The following MYBBP1A variants were observed in gnomAD, a reference collection of about 807,000 sequenced individuals.
MYBBP1A encodes MYB binding protein 1a.
A neutral mutation model predicts 136.3 loss-of-function variants in MYBBP1A; 147 were observed. The observed-to-expected ratio is 1.08, with a 90% confidence interval of 0.94 to 1.24. MYBBP1A has a LOEUF of 1.24. Ranked by LOEUF, MYBBP1A falls within the 50% of genes most tolerant of loss-of-function variation. The pLI is 0.00. For missense variants in MYBBP1A, 2,060 were observed against 1,727.4 expected, an observed-to-expected ratio of 1.19 and a Z score of -3.41; for synonymous variants, 947 against 735.8, an observed-to-expected ratio of 1.29 and a Z score of -4.65.
chr17:4,540,351 A>G lies in MYBBP1A; in HGVS notation c.3431T>C (p.Val1144Ala), dbSNP rs757273257. The G allele has an allele frequency of 1.2e-6, 2 of 1,605,202 alleles. No homozygotes were observed. Residue 1144 changes from valine to alanine, a missense_variant, in exon 25 of 26, where the codon GTC (valine) becomes GCC (alanine). Coordinates refer to ENST00000254718, the MANE Select transcript of MYBBP1A (RefSeq NM_014520.4). Reference protein sequence around the residue: ...LYWQAMKTLGVQRPKLEKKDA... With the variant: ...LYWQAMKTLGAQRPKLEKKDA... Reference sequence around the variant, plus strand: ...GTGTCCCCCTCCCAGAACCTACTGGACTCCCAGGGTTTTCATGGCCTGCCA... The same window carrying G: ...GTGTCCCCCTCCCAGAACCTACTGGGCTCCCAGGGTTTTCATGGCCTGCCA...
chr17:4,545,206 C>CT, intron 16 of MYBBP1A, 31 bp from the exon 17 acceptor site: 4 of 1,613,024 alleles, frequency 2.5e-6, no homozygotes, highest in Non-Finnish European at 3.4e-6. Context: ...CGTCACACAC[C>CT]TCCCCGATCG....
chr17:4,539,440 T>C lies in MYBBP1A; in HGVS notation c.3962A>G (p.Gln1321Arg). The C allele has an allele frequency of 6.2e-7, 1 of 1,613,432 alleles. No homozygotes were observed. Among genetic ancestry groups the C allele is most frequent in the Non-Finnish European group, 8.5e-7 (1 of 1,179,592 alleles). ...LLQSGAKKKA[Q>R]VRKAGKP Reference sequence around the variant, plus strand: ...TCAGGGCTTCCCTGCCTTCCTCACCTGTGCTTTCTTCTTGGCCCCACTCTG... The same window carrying C: ...TCAGGGCTTCCCTGCCTTCCTCACCCGTGCTTTCTTCTTGGCCCCACTCTG... Residue 1321 changes from glutamine to arginine, a missense_variant, in exon 26 of 26, where the codon CAG becomes CGG. Transcript: ENST00000254718.
At chr17:4,544,679 G>A (rs1201913868) in intron 18 of MYBBP1A, 33 bp from the exon 19 acceptor site, 1 of 1,467,664 alleles carries the variant, frequency 6.8e-7, no homozygotes, top group East Asian at 2.4e-5. Context: ...GCAACACGGG[G>A]GTGGGCGCAC....
At chr17:4,540,308 A>AGCCCCTACCCAAGGTGTGTGTCCCC in intron 25 of MYBBP1A, 40 bp downstream of exon 25, 1 of 1,565,326 alleles carries the variant, frequency 6.4e-7, no homozygotes, top group South Asian at 1.2e-5. Context: ...GGGTGTTCCC[A>AGCCCCTACCCAAGGTGTGTGTCCCC]GCCCCTACCC....
Position 4,544,590 on chromosome 17 carries a change from C to T in MYBBP1A, c.2538G>A (p.Leu846=), listed in dbSNP as rs1188427167. The change falls in exon 19 of 26, where the codon CTG becomes CTA. Residue 846 remains leucine (L), a synonymous_variant. Transcript: ENST00000254718. ...VTKQPENALV[L]ELLEPLLSII... ...TGCTCAGCAGCGGCTCCAGCAGCTC[C>T]AGGACCAGGGCATTCTCGGGCTGCT... The T allele has an allele frequency of 1.3e-6, 2 of 1,581,518 alleles. No homozygotes were observed. The highest frequency in any genetic ancestry group is 1.7e-6 in the Non-Finnish European group (2 of 1,164,240).
chr17:4,544,091 C>T (rs1906722944), intron 19 of MYBBP1A, among the ~76,000 whole-genome samples: 1 of 152,174 alleles, frequency 6.6e-6, no homozygotes, highest in Admixed American at 6.5e-5. Flanking sequence ...ATGCACACTA[C>T]ACCTCCGAGG....
intron 5 of MYBBP1A, among the ~76,000 whole-genome samples, 168 bp downstream of exon 5, chr17:4,553,642 T>G (rs1363804733): frequency 6.6e-6 from 1 of 152,266 alleles, no homozygotes; most frequent in South Asian, 2.1e-4. Flanking sequence ...TAAATGTTAC[T>G]AAATGACACC....
At chr17:4,547,581 G>A (rs1907115854) in intron 13 of MYBBP1A, 1 of 204,886 alleles carries the variant, frequency 4.9e-6, no homozygotes, top group South Asian at 1.8e-4. Flanking sequence ...AGCCTCGAAT[G>A]TGGTCAGGGC....
At position 4,552,373 on chromosome 17, in the gene MYBBP1A, G is replaced by T; in HGVS notation, c.737+78C>A. The T allele has an allele frequency of 6.2e-7, 1 of 1,603,028 alleles. No homozygotes were observed. The highest frequency in any genetic ancestry group is 8.5e-7 in the Non-Finnish European group (1 of 1,175,164). ...ACAAGAGCAGCCGGGACACCCCCAG[G>T]CCAAACGACAAATCTGGGCCTGGCC... On this transcript the variant is annotated intron_variant, in intron 6 of 25. Coordinates refer to ENST00000254718, the MANE Select transcript of MYBBP1A (RefSeq NM_014520.4). This position sits in a 1 kb window ranked among gnomAD's most constrained non-coding sequence, Gnocchi z 4.7.
Position 4,539,642 on chromosome 17 carries a change from T to G in MYBBP1A, c.3760A>C (p.Lys1254Gln). 2 of 1,612,464 alleles carry G rather than the reference T, an allele frequency of 1.2e-6. No homozygotes were observed. Among genetic ancestry groups the G allele is most frequent in the Non-Finnish European group, 1.7e-6 (2 of 1,178,878 alleles). The change falls in exon 26 of 26, where the codon AAA becomes CAA. Residue 1254 changes from lysine (K) to glutamine (Q), a missense_variant. Coordinates refer to ENST00000254718, the MANE Select transcript of MYBBP1A (RefSeq NM_014520.4). The stretch of plus-strand genomic sequence containing the variant: ...TTCACCTGGGACGGCTTCTGGTTTT[T>G]CTTCTGCAGTTTTGGGGATTTGGCA... ...TPAKSPKLQKKNQKPSQVNGA... is the reference protein window; with the variant it reads ...TPAKSPKLQKQNQKPSQVNGA...
chr17:4,544,386 C>A, intron 19 of MYBBP1A, 103 bp downstream of exon 19: 1 of 1,460,114 alleles, frequency 6.8e-7, no homozygotes, highest in Non-Finnish European at 9.2e-7. Context: ...AGGCTGGAAG[C>A]TTGGCTCTCT....
At chr17:4,545,486 T>C (rs929008547) in intron 15 of MYBBP1A, 124 bp downstream of exon 15, 2 of 1,492,332 alleles carry the variant, frequency 1.3e-6, no homozygotes, top group Non-Finnish European at 1.8e-6. Flanking sequence ...AAGGCCTCGT[T>C]GAGACCCCTC....
At chr17:4,545,559 G>A (rs1042339117) in intron 15 of MYBBP1A, 51 bp downstream of exon 15, 25 of 1,537,378 alleles carry the variant, frequency 1.6e-5, no homozygotes, top group Non-Finnish European at 2.1e-5. Flanking sequence ...GGTGCAGCTC[G>A]CTGCTCAGTG....
rs1252746259 is a variant in MYBBP1A, at chr17:4,554,000, G to A, written c.453+19C>T. On this transcript the variant is annotated intron_variant, in intron 4 of 25. Transcript: ENST00000254718. ...TCCCAAGCCAGCCTACATTCCCCCA[G>A]TCCCTCCAAAGCTCTTACCTTCACC... 3 of 1,613,910 alleles carry A rather than the reference G, an allele frequency of 1.9e-6. No homozygotes were observed. The highest frequency in any genetic ancestry group is 2.5e-6 in the Non-Finnish European group (3 of 1,179,982).
Position 4,542,922 on chromosome 17 carries a change from C to T in MYBBP1A, c.2883G>A (p.Thr961=), listed in dbSNP as rs138864176. 6,221 of 1,613,906 alleles carry T rather than the reference C, an allele frequency of 3.9e-3. 17 individuals carry two copies. Among genetic ancestry groups the T allele is most frequent in the Non-Finnish European group, 4.7e-3 (5,500 of 1,179,974 alleles). The change falls in exon 20 of 26, where the codon ACG becomes ACA. Residue 961 remains threonine (T), a synonymous_variant. Transcript: ENST00000254718. ...GCCAGGCCCTGCTCACCTGCGGGCC[C>T]GTGGGCATGTGGCTGGGGTCAGTGC... ...KAGTDPSHMP[T]GPQAASCLDL...
intron 19 of MYBBP1A, among the ~76,000 whole-genome samples, chr17:4,543,661 G>A (rs1263902226): frequency 6.6e-6 from 1 of 152,054 alleles, no homozygotes; most frequent in Non-Finnish European, 1.5e-5. Flanking sequence ...AGAATGCACT[G>A]CCAGTCACAC....
rs765484282 is a variant in MYBBP1A at position 4,542,468 on chromosome 17, T to C, written c.3083A>G (p.His1028Arg). 8 of 1,607,824 alleles carry C rather than the reference T, an allele frequency of 5.0e-6. No homozygotes were observed. Among genetic ancestry groups the C allele is most frequent in the Non-Finnish European group, 6.8e-6 (8 of 1,176,314 alleles). Residue 1028 changes from histidine to arginine, a missense_variant, in exon 22 of 26, where the codon CAT (histidine) becomes CGT (arginine). Physicochemically the swap from His to Arg is conservative, Grantham distance 29 (BLOSUM62 0). Transcript: ENST00000254718. ...QHITGPVRPR[H>R]QACLLLQKTL... ...GGGAGCTGGGAAGTCTCTCACCTGA[T>C]GACGGGGCCGCACCGGGCCCGTGAT...
In MYBBP1A at chr17:4,554,185, C is replaced by A. The variant is rs1567615227; in HGVS notation, c.378+10G>T. ...CCTGGGGCTGCTGACCTCCCTGGCC[C>A]CACTCTCACCTTCTTCACCTGATGC... is the stretch of plus-strand genomic sequence containing the variant. On this transcript the variant is annotated intron_variant, in intron 3 of 25. Coordinates refer to ENST00000254718, the MANE Select transcript of MYBBP1A (RefSeq NM_014520.4). 1 of 1,613,966 alleles carries A rather than the reference C, an allele frequency of 6.2e-7. No homozygotes were observed. The highest frequency in any genetic ancestry group is 8.5e-7 in the Non-Finnish European group (1 of 1,179,942).
Position 4,540,442 on chromosome 17 carries a change from C to G in MYBBP1A, c.3340G>C (p.Gly1114Arg). 6.2e-7 allele frequency: 1 copy of G among 1,611,106 alleles called. No individual in the cohort carries two copies. The highest frequency in any genetic ancestry group is 8.5e-7 in the Non-Finnish European group (1 of 1,179,670). Residue 1114 changes from glycine to arginine, a missense_variant, in exon 25 of 26, where the codon GGG becomes CGG. Physicochemically the swap from Gly to Arg is moderately radical, Grantham distance 125. Transcript: ENST00000254718. The part of the protein sequence containing the change: ...DLTVLLGVLQ[G>R]QQQSLQQGAH... Reference sequence around the variant, plus strand: ...CCCTGCTGTAGGCTCTGCTGTTGCCCCTGCAGCACACCCAGGAGCACCGTC... The same window carrying G: ...CCCTGCTGTAGGCTCTGCTGTTGCCGCTGCAGCACACCCAGGAGCACCGTC...
Sources: allele counts gnomAD v4.1 joint callset (sites outside exome capture counted in the v4.1 genomes callset), GRCh38; gene constraint gnomAD v4.1.1; non-coding constraint Gnocchi (gnomAD v3.1); transcripts MANE v1.5; gene names NCBI Gene and HGNC (gene_info 2026-07-23, HGNC 2026-07-21).